The following CYP39A1 variants were observed in gnomAD, a reference collection of about 807,000 sequenced individuals.
The protein encoded by CYP39A1 is 24-hydroxycholesterol 7-alpha-hydroxylase.
A neutral mutation model predicts 58.1 loss-of-function variants in CYP39A1; 49 were observed. The observed-to-expected ratio is 0.84, with a 90% CI of 0.67 to 1.07. CYP39A1 has a LOEUF of 1.07. CYP39A1 is among the 50% of genes least tolerant of loss of function. The pLI is 0.00. For missense variants in CYP39A1, 531 were observed against 539.4 expected, an observed-to-expected ratio of 0.98 and a Z score of 0.16; for synonymous variants, 209 against 187.6, an observed-to-expected ratio of 1.11 and a Z score of -0.93.
At chr6:46,642,505 CT>C (rs1269886732) in intron 1 of CYP39A1, among the ~76,000 whole-genome samples, 4 of 152,034 alleles carry the variant, frequency 2.6e-5, no homozygotes, top group African/African-American at 7.2e-5. Context: ...GTAATATTCC[CT>C]TTGATCATTT....
At chr6:46,553,074 A>G (rs1398716293) in intron 11 of CYP39A1, among the ~76,000 whole-genome samples, 3 of 73,270 alleles carry the variant, frequency 4.1e-5, no homozygotes, top group African/African-American at 2.4e-4. Flanking sequence ...CCCCCCAACC[A>G]AAAAAAAAAA....
chr6:46,567,665 G>C (rs914327807), intron 10 of CYP39A1, among the ~76,000 whole-genome samples: 4 of 152,042 alleles, frequency 2.6e-5, no homozygotes, highest in Non-Finnish European at 4.4e-5. Context: ...CATTCTAATG[G>C]ATATGCCAAC....
At chr6:46,571,553 G>T (rs1771583960) in intron 10 of CYP39A1, among the ~76,000 whole-genome samples, 1 of 151,646 alleles carries the variant, frequency 6.6e-6, no homozygotes, top group African/African-American at 2.4e-5. Context: ...CTGTCTTTTG[G>T]TTTACATTTA....
chr6:46,560,087 T>C (rs1343672967), intron 10 of CYP39A1, among the ~76,000 whole-genome samples: 1 of 152,182 alleles, frequency 6.6e-6, no homozygotes, highest in Non-Finnish European at 1.5e-5. Context: ...GGTGACATTT[T>C]ATCAGACCCT....
intron 8 of CYP39A1, among the ~76,000 whole-genome samples, chr6:46,590,586 T>C (rs1772771811): frequency 6.6e-6 from 1 of 152,164 alleles, no homozygotes; most frequent in East Asian, 1.9e-4. Context: ...TTAAAGAGTA[T>C]ATTCTTTTGT....
intron 7 of CYP39A1, among the ~76,000 whole-genome samples, chr6:46,613,287 G>T (rs1353921947): frequency 6.6e-6 from 1 of 152,184 alleles, no homozygotes; most frequent in Non-Finnish European, 1.5e-5. Flanking sequence ...AGTCAGGATT[G>T]CTGCTAAATC....
chr6:46,589,558 G>A (rs999901225), intron 8 of CYP39A1, among the ~76,000 whole-genome samples: 1 of 152,118 alleles, frequency 6.6e-6, no homozygotes, highest in African/African-American at 2.4e-5. Context: ...TCTAGTGGCA[G>A]CTGAGTATTG....
In CYP39A1 at chr6:46,559,270, A is replaced by T. The variant is rs554646801; in HGVS notation, c.1251-5416T>A. Among the ~76,000 whole-genome samples the T allele has an allele frequency of 7.9e-5, 12 of 152,228 alleles. No homozygotes were observed. The South Asian group carries it at 2.3e-3, about 29-fold the overall frequency. ...ACCTAGGGAGGAAGGGTGGTGATATATCTTGGAGAAAAATCAGCTTCTCAG... is the reference window on the plus strand; with the variant it reads ...ACCTAGGGAGGAAGGGTGGTGATATTTCTTGGAGAAAAATCAGCTTCTCAG... On this transcript the variant is annotated intron_variant, in intron 10 of 11. Transcript: ENST00000275016.
chr6:46,637,085 C>T (rs1776035828), intron 4 of CYP39A1, among the ~76,000 whole-genome samples: 1 of 152,096 alleles, frequency 6.6e-6, no homozygotes, highest in South Asian at 2.1e-4. Flanking sequence ...TCTGTCTGCC[C>T]CTTTTACCAC....
At chr6:46,646,385 T>G (rs1448271983) in intron 1 of CYP39A1, among the ~76,000 whole-genome samples, 1 of 152,140 alleles carries the variant, frequency 6.6e-6, no homozygotes, top group African/African-American at 2.4e-5. Flanking sequence ...TGCTTTTTCT[T>G]CTTTAGCTTG....
At chr6:46,608,814 A>C (rs1774011105) in intron 7 of CYP39A1, among the ~76,000 whole-genome samples, 1 of 151,790 alleles carries the variant, frequency 6.6e-6, no homozygotes, top group African/African-American at 2.4e-5. Context: ...GGGTTTCACT[A>C]TATTGGCCAG....
intron 7 of CYP39A1, among the ~76,000 whole-genome samples, chr6:46,602,923 TG>T (rs11449645): frequency 7.3e-5 from 9 of 122,594 alleles, no homozygotes; most frequent in South Asian, 3.0e-4. Flanking sequence ...AAATATAAAA[TG>T]GGGGGGGGGA....
chr6:46,583,670 T>A, intron 10 of CYP39A1: 1 of 807,186 alleles, frequency 1.2e-6, no homozygotes, highest in Non-Finnish European at 1.5e-6. Flanking sequence ...TACAAGGAAG[T>A]GCCTCGCAGT....
At position 46,569,466 on chromosome 6, in the gene CYP39A1, T is replaced by C. The variant is rs571889211; in HGVS notation, c.1251-15612A>G. ...CTTGTTCCTGGTCATAGAGAAAAGT[T>C]TCTAATCTTTAACCATTGAGTATGA... On this transcript the variant is annotated intron_variant, in intron 10 of 11. Transcript: ENST00000275016. 6.2e-4 allele frequency among the ~76,000 whole-genome samples: 94 copies of C among 152,244 alleles called. 1 individual carries two copies. In the South Asian group the frequency reaches 0.019, roughly 30 times the overall value.
Position 46,597,844 on chromosome 6 carries a change from T to C in CYP39A1, c.932-1724A>G, listed in dbSNP as rs547785961. On this transcript the variant is annotated intron_variant, in intron 7 of 11. Transcript: ENST00000275016. Reference sequence around the variant, plus strand: ...ACACCTCAACAATGAAACAGTGATATACAGCACTATTCTGTATTAAATTAA... The same window carrying C: ...ACACCTCAACAATGAAACAGTGATACACAGCACTATTCTGTATTAAATTAA... Among the ~76,000 whole-genome samples, 43 of 152,274 alleles carry C rather than the reference T, an allele frequency of 2.8e-4. No individual in the cohort carries two copies. The East Asian group carries it at 8.1e-3, about 29-fold the overall frequency.
chr6:46,559,103 GAATT>G (rs10557475), intron 10 of CYP39A1, among the ~76,000 whole-genome samples: 28,186 of 151,544 alleles, frequency 0.19, 5,171 homozygotes, highest in African/African-American at 0.47. Flanking sequence ...AAATTTAAAA[GAATT>G]AATATTTGGG....
chr6:46,604,665 G>T (rs779826730), intron 7 of CYP39A1, among the ~76,000 whole-genome samples: 1 of 152,148 alleles, frequency 6.6e-6, no homozygotes, highest in Non-Finnish European at 1.5e-5. Context: ...AGATAAATTG[G>T]ATTGGATGAT....
intron 1 of CYP39A1, among the ~76,000 whole-genome samples, chr6:46,648,574 T>C (rs1355275919): frequency 1.3e-5 from 2 of 150,956 alleles, no homozygotes; most frequent in Non-Finnish European, 3.0e-5. Context: ...ATATAAATGA[T>C]GAGTTACTGG....
rs60393624 is a variant in CYP39A1 at position 46,568,920 on chromosome 6, CA to C, written c.1251-15067del. 6.6e-3 allele frequency among the ~76,000 whole-genome samples: 975 copies of C among 148,530 alleles called. 10 individuals carry two copies. The highest frequency in any genetic ancestry group is 0.021 in the Middle Eastern group (6 of 288). ...TCAGAATAGGCTTTTCTATTTCTGCCAAAAAAAAAATAACATCATTGCGATT... is the reference window on the plus strand; with the variant it reads ...TCAGAATAGGCTTTTCTATTTCTGCCAAAAAAAAATAACATCATTGCGATT... On this transcript the variant is annotated intron_variant, in intron 10 of 11. Transcript: ENST00000275016.
Sources: allele counts gnomAD v4.1 joint callset (sites outside exome capture counted in the v4.1 genomes callset), GRCh38; gene constraint gnomAD v4.1.1; transcripts MANE v1.5; gene names NCBI Gene and HGNC (gene_info 2026-07-23, HGNC 2026-07-21).